Variants in TPO observed in about 807,000 individuals in gnomAD.
The protein encoded by TPO is thyroid peroxidase, also known as thyroid microsomal antigen.
In TPO, 78 loss-of-function variants were observed where a neutral mutation model predicts 96.9. The observed-to-expected ratio is 0.81, with a 90% confidence interval of 0.67 to 0.97. The LOEUF (loss-of-function observed/expected upper bound fraction) is 0.97, where lower values mean the gene tolerates loss of function less well. TPO is among the 50% of genes least tolerant of loss of function. The pLI, the probability that TPO is intolerant of heterozygous loss-of-function variation, is 0.00. For missense variants in TPO, 1,252 were observed against 1,274.8 expected (o/e 0.98, Z 0.27); for synonymous variants, 547 against 538.0 (o/e 1.02, Z -0.23).
At chr2:1,477,880 C>T in intron 8 of TPO, 2 of 985,420 alleles carry the variant, frequency 2.0e-6, no homozygotes, top group Non-Finnish European at 2.4e-6. Context: ...GTCCCACCTG[C>T]TTACCCTCCA....
chr2:1,394,675 G>A (rs1229697672), intron 1 of TPO, among the ~76,000 whole-genome samples: 3 of 152,220 alleles, frequency 2.0e-5, no homozygotes, highest in Non-Finnish European at 2.9e-5. Context: ...TGTCCTGGAC[G>A]CATGGACCGA....
intron 15 of TPO, among the ~76,000 whole-genome samples, chr2:1,540,243 C>A (rs570858256): frequency 6.6e-6 from 1 of 152,220 alleles, no homozygotes; most frequent in East Asian, 1.9e-4. Flanking sequence ...AAAAGCCTAA[C>A]GTTGTCTGTC....
intron 5 of TPO, among the ~76,000 whole-genome samples, chr2:1,453,483 G>C (rs922935237): frequency 2.2e-4 from 33 of 152,116 alleles, no homozygotes; most frequent in African/African-American, 7.7e-4. Context: ...GAGGGTGCCT[G>C]TGGGAACCAA....
At chr2:1,443,739 CGGG>C (rs1666454206) in intron 5 of TPO, among the ~76,000 whole-genome samples, 3 of 102,598 alleles carry the variant, frequency 2.9e-5, no homozygotes, top group African/African-American at 3.9e-5. Flanking sequence ...GTCATTGCTG[CGGG>C]AGGCACCATG....
intron 3 of TPO, among the ~76,000 whole-genome samples, chr2:1,428,205 C>G (rs1664623483): frequency 6.6e-6 from 1 of 152,232 alleles, no homozygotes; most frequent in African/African-American, 2.4e-5. Flanking sequence ...CTTAAAGTAA[C>G]ATGCAGCCCT....
chr2:1,408,994 A>G (rs1266828103), upstream of TPO, among the ~76,000 whole-genome samples: 2 of 152,186 alleles, frequency 1.3e-5, no homozygotes, highest in Non-Finnish European at 2.9e-5. Flanking sequence ...GTCCCTGGTC[A>G]GGAGGCTGTT....
Position 1,496,748 on chromosome 2 carries a change from A to C in TPO, c.2369A>C (p.Gln790Pro). 6.2e-7 allele frequency: 1 copy of C among 1,614,190 alleles called. No homozygotes were observed. The highest frequency in any genetic ancestry group is 8.5e-7 in the Non-Finnish European group (1 of 1,180,048). ...LTCTQEGWDFQPPLCKDVNEC... is the reference protein window; with the variant it reads ...LTCTQEGWDFPPPLCKDVNEC... ...TGCACCCAGGAAGGATGGGATTTCC[A>C]GCCTCCCCTCTGCAAAGGTCAGTCC... The change falls in exon 13 of 17, where the codon CAG becomes CCG. Residue 790 changes from glutamine (Q) to proline (P), a missense_variant. Transcript: ENST00000329066.
At chr2:1,424,238 A>G (rs1478722012) in intron 3 of TPO, among the ~76,000 whole-genome samples, 1 of 152,154 alleles carries the variant, frequency 6.6e-6, no homozygotes, top group Non-Finnish European at 1.5e-5. Flanking sequence ...CTGACTGACA[A>G]TCAGCTGAAG....
In TPO at chr2:1,456,068, C is replaced by A; in HGVS notation, c.613-8C>A. The A allele has an allele frequency of 6.2e-7, 1 of 1,613,170 alleles. No homozygotes were observed. The highest frequency in any genetic ancestry group is 8.5e-7 in the Non-Finnish European group (1 of 1,179,676). Reference sequence around the variant, plus strand: ...CTATGTCCTGACCAATGGTCTCTTCCTACCCAGGTCCGGGAGGTGACAAGA... The same window carrying A: ...CTATGTCCTGACCAATGGTCTCTTCATACCCAGGTCCGGGAGGTGACAAGA... On this transcript the variant is annotated splice_region_variant and splice_polypyrimidine_tract_variant and intron_variant, in intron 6 of 16. Transcript: ENST00000329066.
intron 5 of TPO, among the ~76,000 whole-genome samples, chr2:1,436,835 G>A (rs1665623423): frequency 6.6e-6 from 1 of 152,112 alleles, no homozygotes; most frequent in African/African-American, 2.4e-5. Flanking sequence ...ATCACGTGGT[G>A]GTCCCCTCAC....
intron 5 of TPO, among the ~76,000 whole-genome samples, chr2:1,446,132 G>A (rs549111127): frequency 1.3e-5 from 2 of 152,270 alleles, no homozygotes; most frequent in African/African-American, 4.8e-5. Context: ...GCCCCCAGGT[G>A]CAGATCGAGA....
chr2:1,375,572 A>G (rs1661710428), intron 1 of TPO, among the ~76,000 whole-genome samples: 1 of 152,024 alleles, frequency 6.6e-6, no homozygotes, highest in Non-Finnish European at 1.5e-5. Context: ...GCGCTAGTGA[A>G]TCCACGTTTT....
Position 1,456,062 on chromosome 2 carries a change from C to G in TPO, c.613-14C>G, listed in dbSNP as rs1667754258. On this transcript the variant is annotated splice_polypyrimidine_tract_variant and intron_variant, in intron 6 of 16. Transcript: ENST00000329066. ...GTCCTCCTATGTCCTGACCAATGGTCTCTTCCTACCCAGGTCCGGGAGGTG... is the reference window on the plus strand; with the variant it reads ...GTCCTCCTATGTCCTGACCAATGGTGTCTTCCTACCCAGGTCCGGGAGGTG... 1.9e-6 allele frequency: 3 copies of G among 1,612,482 alleles called. No individual in the cohort carries two copies. The highest frequency in any genetic ancestry group is 1.1e-5 in the South Asian group (1 of 90,628).
At chr2:1,478,099 C>G (rs1396781898) in intron 8 of TPO, 1 of 985,454 alleles carries the variant, frequency 1.0e-6, no homozygotes, top group Non-Finnish European at 1.2e-6. Flanking sequence ...GAATGAAGAA[C>G]CGACTCTGTG....
At chr2:1,528,262 C>A in intron 15 of TPO, among the ~76,000 whole-genome samples, 1 of 118,472 alleles carries the variant, frequency 8.4e-6, no homozygotes, top group Admixed American at 9.6e-5. Context: ...TGTAGGCAAC[C>A]CCCCAAATCT....
intron 5 of TPO, among the ~76,000 whole-genome samples, chr2:1,444,430 G>T (rs1225746184): frequency 1.3e-5 from 2 of 149,022 alleles, no homozygotes; most frequent in Non-Finnish European, 3.0e-5. Flanking sequence ...ATGTTGGAAG[G>T]GAATGGAGCT....
intron 14 of TPO, among the ~76,000 whole-genome samples, chr2:1,514,731 A>G (rs1012039266): frequency 3.9e-5 from 6 of 152,212 alleles, no homozygotes; most frequent in Non-Finnish European, 8.8e-5. Flanking sequence ...TCTGGTTCCA[A>G]GCGGATTTAC....
chr2:1,537,388 C>T (rs1207980681), intron 15 of TPO, among the ~76,000 whole-genome samples: 2 of 133,584 alleles, frequency 1.5e-5, no homozygotes, highest in Non-Finnish European at 3.2e-5. Context: ...GCAACTCCCT[C>T]AAATCCCCCC....
In TPO at chr2:1,496,135, T is replaced by C; in HGVS notation, c.2153T>C (p.Phe718Ser). 1 of 1,614,092 alleles carries C rather than the reference T, an allele frequency of 6.2e-7. No individual in the cohort carries two copies. The highest frequency in any genetic ancestry group is 2.2e-5 in the East Asian group (1 of 44,868). ...CAAGTCGGCAAATTCCCCGAAGACT[T>C]TGAGTCTTGTGACAGCATCACTGGC... Reference protein sequence around the residue: ...AFQVGKFPEDFESCDSITGMN... With the variant: ...AFQVGKFPEDSESCDSITGMN... Residue 718 changes from phenylalanine (F) to serine (S), a missense_variant, in exon 12 of 17, where the codon TTT becomes TCT. By Grantham distance (155) the Phe-to-Ser change is radical. Coordinates refer to ENST00000329066, the MANE Select transcript of TPO (RefSeq NM_001206744.2).
Sources: allele counts gnomAD v4.1 joint callset (sites outside exome capture counted in the v4.1 genomes callset), GRCh38; gene constraint gnomAD v4.1.1; transcripts MANE v1.5; gene names NCBI Gene and HGNC (gene_info 2026-07-23, HGNC 2026-07-21).